The following TARBP1 variants were observed in gnomAD, a reference collection of about 807,000 sequenced individuals.
The protein encoded by TARBP1 is tRNA guanosine 2 -O-methyltransferase TARBP1.
Under a neutral mutation model 178.6 loss-of-function variants are expected in TARBP1, and 144 were observed. That is an observed-to-expected ratio of 0.81 (90% CI 0.70 to 0.93). The LOEUF is 0.93. TARBP1 is among the 40% of genes least tolerant of loss of function. TARBP1 has a pLI of 0.00. For missense variants in TARBP1, 2,067 were observed against 2,011.7 expected, an observed-to-expected ratio of 1.03 and a Z score of -0.53; for synonymous variants, 787 against 781.0, an observed-to-expected ratio of 1.01 and a Z score of -0.13.
intron 14 of TARBP1, among the ~76,000 whole-genome samples, chr1:234,431,224 C>T (rs1450599613): frequency 6.6e-6 from 1 of 152,178 alleles, no homozygotes; most frequent in Admixed American, 6.5e-5. Context: ...AATCAACCAT[C>T]TCTACAGAAA....
chr1:234,478,273 G>T lies in TARBP1; in HGVS notation c.831C>A (p.Asp277Glu). The T allele has an allele frequency of 1.9e-6, 3 of 1,591,408 alleles. No homozygotes were observed. The highest frequency in any genetic ancestry group is 2.6e-6 in the Non-Finnish European group (3 of 1,171,040). The change falls in exon 1 of 30, where the codon GAC becomes GAA. Residue 277 changes from aspartate (D) to glutamate (E), a missense_variant. Asp to Glu is a conservative substitution (Grantham distance 45). Transcript: ENST00000040877. ...AGCGCGCTCGCTTGCGCGTCAGGGC[G>T]TCCGCCTGGCCCAGCCCCGCCTGCA... ...RTVQAGLGQADALTRKRARYL... is the reference protein window; with the variant it reads ...RTVQAGLGQAEALTRKRARYL...
intron 29 of TARBP1, 115 bp downstream of exon 29, chr1:234,392,301 A>G: frequency 7.4e-7 from 1 of 1,345,822 alleles, no homozygotes; most frequent in Non-Finnish European, 1.0e-6. Flanking sequence ...GTGCCACTAC[A>G]CTCCAGCCTG....
At chr1:234,414,825 A>C (rs1000771409) in intron 22 of TARBP1, among the ~76,000 whole-genome samples, 7 of 152,068 alleles carry the variant, frequency 4.6e-5, no homozygotes, top group Admixed American at 4.6e-4. Flanking sequence ...CTCTACTAAA[A>C]ATACAAAAAT....
intron 9 of TARBP1, among the ~76,000 whole-genome samples, chr1:234,452,695 C>T (rs538305425): frequency 5.3e-5 from 8 of 152,182 alleles, no homozygotes; most frequent in Admixed American, 6.5e-5. Context: ...CTCAATCTGG[C>T]AACTGTGCTC....
Position 234,433,587 on chromosome 1 carries a change from A to G in TARBP1, c.2233-16T>C, listed in dbSNP as rs372645813. On this transcript the variant is annotated splice_polypyrimidine_tract_variant and intron_variant, in intron 13 of 29. Transcript: ENST00000040877. Reference sequence around the variant, plus strand: ...GATCTGAAACCTAAGACAAGGATTAAAACACTTAAGGGTACAAGCAAGGTC... The same window carrying G: ...GATCTGAAACCTAAGACAAGGATTAGAACACTTAAGGGTACAAGCAAGGTC... 5.2e-5 allele frequency: 84 copies of G among 1,604,152 alleles called. No homozygotes were observed. Among genetic ancestry groups the G allele is most frequent in the Non-Finnish European group, 1.8e-5 (21 of 1,177,516 alleles).
At chr1:234,475,228 G>A (rs1669467827) in intron 1 of TARBP1, among the ~76,000 whole-genome samples, 1 of 152,176 alleles carries the variant, frequency 6.6e-6, no homozygotes, top group Non-Finnish European at 1.5e-5. Flanking sequence ...TGCCCTGCAG[G>A]AGTACAAGAT....
In TARBP1 at chr1:234,408,780, T is replaced by C. The variant is rs544411987; in HGVS notation, c.3792+1665A>G. ...ACCAAATTATCCTTAAAAACTCTGA[T>C]CCCCGAATGCTCAGGGAGATCGATT... On this transcript the variant is annotated intron_variant, in intron 23 of 29. Coordinates refer to ENST00000040877, the MANE Select transcript of TARBP1 (RefSeq NM_005646.4). 1.2e-4 allele frequency among the ~76,000 whole-genome samples: 18 copies of C among 152,222 alleles called. 3 individuals are homozygous for C. Among genetic ancestry groups the C allele is most frequent in the African/African-American group, 4.3e-4 (18 of 41,552 alleles).
intron 12 of TARBP1, among the ~76,000 whole-genome samples, chr1:234,439,366 A>T (rs1424425823): frequency 6.6e-6 from 1 of 152,234 alleles, no homozygotes; most frequent in Non-Finnish European, 1.5e-5. Flanking sequence ...CCCTATCAGA[A>T]GGGAAGTTTC....
intron 28 of TARBP1, among the ~76,000 whole-genome samples, chr1:234,393,009 G>A (rs545988919): frequency 2.6e-4 from 40 of 152,184 alleles, no homozygotes; most frequent in Admixed American, 1.2e-3. Context: ...GTGAGCCACC[G>A]CGCCCAGCCA....
At chr1:234,446,677 A>ATAATTATATAATTTCTTAAATT in intron 12 of TARBP1, 126 bp downstream of exon 12, 1 of 243,946 alleles carries the variant, frequency 4.1e-6, no homozygotes, top group Non-Finnish European at 6.1e-6. Flanking sequence ...TTTCTTAAAT[A>ATAATTATATAATTTCTTAAATT]TATATAATTT....
At chr1:234,468,255 C>T (rs1169442361) in intron 3 of TARBP1, among the ~76,000 whole-genome samples, 3 of 151,968 alleles carry the variant, frequency 2.0e-5, no homozygotes, top group African/African-American at 7.3e-5. Flanking sequence ...GAGTTTGAGA[C>T]CAGCCTGGCC....
At position 234,478,515 on chromosome 1, in the gene TARBP1, G is replaced by A; in HGVS notation, c.589C>T (p.Pro197Ser). The change falls in exon 1 of 30, where the codon CCA becomes TCA. Residue 197 changes from proline to serine, a missense_variant. Physicochemically the swap from Pro to Ser is moderately conservative, Grantham distance 74. Transcript: ENST00000040877. ...GCCCCGCCACATTGGACCAGCACTG[G>A]CAGCAGTCGCCCGGCCACCAGCGCC... ...AAALVAGRLL[P>S]VLVQCGGAAL... 1 of 1,383,686 alleles carries A rather than the reference G, an allele frequency of 7.2e-7. No homozygotes were observed. The highest frequency in any genetic ancestry group is 1.5e-5 in the South Asian group (1 of 68,864). The allele number at this position is 1,383,686 out of a possible 1,614,324, so 85.7% of individuals were successfully genotyped here.
intron 4 of TARBP1, among the ~76,000 whole-genome samples, chr1:234,466,715 T>C (rs1395492632): frequency 6.7e-6 from 1 of 148,968 alleles, no homozygotes; most frequent in African/African-American, 2.5e-5. Context: ...ATACAAAAAT[T>C]AGCCAGGTGT....
chr1:234,463,676 A>AAAG (rs1668141582), intron 6 of TARBP1, among the ~76,000 whole-genome samples, 161 bp downstream of exon 6: 1 of 152,212 alleles, frequency 6.6e-6, no homozygotes, highest in African/African-American at 2.4e-5. Flanking sequence ...TGTACTCAAA[A>AAAG]AAGATACTGT....
chr1:234,413,340 G>A (rs1035176236), intron 22 of TARBP1, among the ~76,000 whole-genome samples: 4 of 152,198 alleles, frequency 2.6e-5, no homozygotes, highest in African/African-American at 9.7e-5. Context: ...TGGGTGTGGT[G>A]GCATGCACCT....
chr1:234,423,562 T>C (rs1296936818), intron 20 of TARBP1, among the ~76,000 whole-genome samples: 1 of 152,138 alleles, frequency 6.6e-6, no homozygotes, highest in Non-Finnish European at 1.5e-5. Flanking sequence ...GAAACGCCTT[T>C]GTCGAGGTGA....
chr1:234,469,273 G>T (rs1668812881), intron 3 of TARBP1, among the ~76,000 whole-genome samples: 1 of 151,774 alleles, frequency 6.6e-6, no homozygotes, highest in Non-Finnish European at 1.5e-5. Context: ...AAAATACTCA[G>T]CATTTTTAAC....
chr1:234,403,845 A>T (rs1660950897), intron 24 of TARBP1, among the ~76,000 whole-genome samples: 1 of 152,030 alleles, frequency 6.6e-6, no homozygotes, highest in African/African-American at 2.4e-5. Context: ...CACCACACCC[A>T]GCTAATTTTT....
At position 234,406,078 on chromosome 1, in the gene TARBP1, G is replaced by T. The variant is rs1661210467; in HGVS notation, c.3814C>A (p.Leu1272Ile). 1.2e-6 allele frequency: 2 copies of T among 1,613,622 alleles called. No individual in the cohort carries two copies. Among genetic ancestry groups the T allele is most frequent in the African/African-American group, 1.3e-5 (1 of 74,822 alleles). ...AAACACCACTGCAGCACAACTATAA[G>T]GGCTTGCTTCAGAATTAGTTTCTGA... ...PEKKLILKQA[L>I]IVVLQWCFNH... Residue 1272 changes from leucine (L) to isoleucine (I), a missense_variant, in exon 24 of 30, where the codon CTT becomes ATT. Leu to Ile is a conservative substitution (Grantham distance 5, BLOSUM62 2). Coordinates refer to ENST00000040877, the MANE Select transcript of TARBP1 (RefSeq NM_005646.4).
Sources: gnomAD v4.1 joint callset for allele counts (sites outside exome capture counted in the v4.1 genomes callset) on GRCh38, gnomAD v4.1.1 for gene constraint, MANE v1.5 for transcripts, NCBI Gene and HGNC (gene_info 2026-07-23, HGNC 2026-07-21) for gene names.